Variants in XG observed in about 807,000 individuals in gnomAD.
XG encodes the protein glycoprotein Xg.
A neutral mutation model predicts 25.7 loss-of-function variants in XG; 24 were observed. The observed-to-expected ratio is 0.93, with a 90% confidence interval of 0.68 to 1.31. The LOEUF (loss-of-function observed/expected upper bound fraction) is 1.31. Ranked by LOEUF, XG falls within the 40% of genes most tolerant of loss-of-function variation. The probability of loss-of-function intolerance (pLI) is 0.00; values close to 1 mark genes in which losing one functional copy is unlikely to be tolerated. For synonymous variants in XG, 77 were observed against 69.2 expected, an observed-to-expected ratio of 1.11 and a Z score of -0.56; for missense variants, 181 against 187.6, an observed-to-expected ratio of 0.96 and a Z score of 0.21.
chrX:2,779,648 TTTTA>T (rs1218996793), intron 3 of XG, among the ~76,000 whole-genome samples: 10 of 152,030 alleles, frequency 6.6e-5, no homozygotes, highest in African/African-American at 2.4e-4. Flanking sequence ...TCCTGTATAT[TTTTA>T]TTTATTTATT....
intron 1 of XG, among the ~76,000 whole-genome samples, chrX:2,768,260 C>T (rs181998559): frequency 2.6e-5 from 4 of 152,262 alleles, no homozygotes; most frequent in Admixed American, 2.0e-4. Context: ...GGAGACATAA[C>T]ACAGTGAAAG....
At chrX:2,780,820 A>G (rs1476162390) in intron 3 of XG, among the ~76,000 whole-genome samples, 1 of 152,106 alleles carries the variant, frequency 6.6e-6, no homozygotes, top group African/African-American at 2.4e-5. Context: ...CAGGTCACAA[A>G]CAGGTGAGAG....
intron 8 of XG, among the ~76,000 whole-genome samples, chrX:2,807,964 T>C (rs1013584974): frequency 2.7e-5 from 3 of 111,790 alleles, no homozygotes; most frequent in African/African-American, 9.8e-5. Flanking sequence ...CTCTCCCTGG[T>C]ATTATCCCCA....
chrX:2,800,577 G>A, intron 7 of XG, among the ~76,000 whole-genome samples: 1 of 112,287 alleles, frequency 8.9e-6, no homozygotes, highest in East Asian at 2.8e-4. Flanking sequence ...CACTTCAAAG[G>A]AGCAATAGCT....
At position 2,765,376 on chromosome X, in the gene XG, G is replaced by GGGAAGGAAGGAA. The variant is rs56267419; in HGVS notation, c.62-5145_62-5134dup. 8.5e-3 allele frequency among the ~76,000 whole-genome samples: 1,230 copies of GGGAAGGAAGGAA among 144,106 alleles called. 10 individuals carry two copies. The highest frequency in any genetic ancestry group is 0.028 in the East Asian group (135 of 4,902). The allele number at this position is 144,106 out of a possible 152,430, so 94.5% of individuals were successfully genotyped here. On this transcript the variant is annotated intron_variant, in intron 1 of 10. Coordinates refer to ENST00000644266, the MANE Select transcript of XG (RefSeq NM_001141919.2). ...AGAGAAAGAGAGAAAGAGGGAGGGA[G>GGGAAGGAAGGAA]GGAAGGAAGGAAGGAAGGAAGGAAG...
chrX:2,757,155 C>G (rs777702957), intron 1 of XG, among the ~76,000 whole-genome samples: 6 of 152,064 alleles, frequency 3.9e-5, no homozygotes, highest in Non-Finnish European at 7.4e-5. Flanking sequence ...CTTCTCCAAC[C>G]ATCCCCAGCT....
rs775966593 is a variant in XG at position 2,794,592 on chromosome X, G to A, written c.311G>A (p.Arg104Gln). 9 of 1,209,865 alleles carry A rather than the reference G, an allele frequency of 7.4e-6. No homozygotes were observed. Among genetic ancestry groups the A allele is most frequent in the Middle Eastern group, 2.3e-4 (1 of 4,350 alleles). Residue 104 changes from arginine (R) to glutamine (Q), a missense_variant, in exon 6 of 11, where the codon CGG becomes CAG. By Grantham distance (43) the Arg-to-Gln change is conservative. Transcript: ENST00000644266. ...CGCTACCCGCCCAGGCCCAGGCCAC[G>A]GCCGCCTGCAGGTAGGTGCCGAGCC... ...DGRYPPRPRP[R>Q]PPAGGGGGGY...
At chrX:2,781,959 A>C (rs2086732649) in intron 3 of XG, 107 bp from the exon 4 acceptor site, 10 of 820,940 alleles carry the variant, frequency 1.2e-5, no homozygotes, top group South Asian at 2.2e-5. Flanking sequence ...AGCAAATCAG[A>C]ACAAACTGCA....
chrX:2,778,657 T>C (rs1285089284), intron 3 of XG, among the ~76,000 whole-genome samples: 1 of 152,112 alleles, frequency 6.6e-6, no homozygotes, highest in Non-Finnish European at 1.5e-5. Flanking sequence ...TCTTGGCATA[T>C]GAGAGAGGTC....
At chrX:2,773,959 G>C (rs980589555) in intron 2 of XG, among the ~76,000 whole-genome samples, 2 of 152,116 alleles carry the variant, frequency 1.3e-5, no homozygotes, top group Admixed American at 6.6e-5. Context: ...CCGTTTGGAG[G>C]TTCAAGCTCT....
intron 10 of XG, among the ~76,000 whole-genome samples, 185 bp from the exon 11 acceptor site, chrX:2,814,179 A>G (rs767682858): frequency 2.7e-5 from 3 of 111,756 alleles, no homozygotes; most frequent in Non-Finnish European, 5.6e-5. Context: ...CAAACATTGT[A>G]TATATTTAAG....
chrX:2,753,911 T>C (rs1907246506), intron 1 of XG, among the ~76,000 whole-genome samples: 2 of 152,048 alleles, frequency 1.3e-5, no homozygotes, highest in Admixed American at 6.6e-5. Context: ...TTCAGTACAA[T>C]GTTCAATAAA....
At chrX:2,774,522 T>C (rs912992030) in intron 2 of XG, among the ~76,000 whole-genome samples, 194 bp from the exon 3 acceptor site, 18 of 152,056 alleles carry the variant, frequency 1.2e-4, no homozygotes, top group Non-Finnish European at 1.9e-4. Context: ...CAAGGGTGGA[T>C]TGTTTTTGAA....
At chrX:2,763,358 C>T (rs969810455) in intron 1 of XG, among the ~76,000 whole-genome samples, 1 of 152,070 alleles carries the variant, frequency 6.6e-6, no homozygotes, top group Non-Finnish European at 1.5e-5. Flanking sequence ...TTTCAGGAAC[C>T]CAGACCCCCA....
chrX:2,808,119 G>GC, intron 8 of XG, 66 bp from the exon 9 acceptor site: 1 of 1,148,830 alleles, frequency 8.7e-7, no homozygotes, highest in South Asian at 1.9e-5. Flanking sequence ...CCTCAACAGT[G>GC]CCCGGCAATA....
chrX:2,794,620 C>T lies in XG; in HGVS notation c.322+17C>T, dbSNP rs311173. The T allele has an allele frequency of 0.02, 24,419 of 1,205,990 alleles. 1,903 individuals are homozygous for T. In the African/African-American group the frequency reaches 0.29, roughly 14 times the overall value. ...CGCCTGCAGGTAGGTGCCGAGCCTC[C>T]CCAGATGCGACACATTGAATTTGCA... On this transcript the variant is annotated intron_variant, in intron 6 of 10. Transcript: ENST00000644266.
chrX:2,794,459 G>A, intron 5 of XG, 76 bp from the exon 6 acceptor site: 1 of 1,073,367 alleles, frequency 9.3e-7, no homozygotes, highest in Non-Finnish European at 1.2e-6. Flanking sequence ...CTGTGCCAGT[G>A]CCCCCAGCGC....
At chrX:2,765,056 A>G (rs2050648163) in intron 1 of XG, among the ~76,000 whole-genome samples, 1 of 131,578 alleles carries the variant, frequency 7.6e-6, no homozygotes, top group South Asian at 2.5e-4. Context: ...AAAAAAAAAA[A>G]AAAAAAAAAG....
chrX:2,798,801 C>T (rs1275101893), intron 7 of XG, among the ~76,000 whole-genome samples: 3 of 111,350 alleles, frequency 2.7e-5, no homozygotes, highest in East Asian at 2.8e-4. Flanking sequence ...CCACCATGCC[C>T]GGCCTTGAGT....
Sources: allele counts gnomAD v4.1 joint callset (sites outside exome capture counted in the v4.1 genomes callset), GRCh38; gene constraint gnomAD v4.1.1; transcripts MANE v1.5; gene names NCBI Gene and HGNC (gene_info 2026-07-23, HGNC 2026-07-21).